The following MOCS1 variants were observed in gnomAD, a reference collection of about 807,000 sequenced individuals.
MOCS1 encodes molybdenum cofactor biosynthesis protein 1.
MOCS1 carries 39 observed loss-of-function variants against 57.6 expected under a neutral mutation model. The ratio of observed to expected loss-of-function variants is 0.68; its 90% confidence interval spans 0.52 to 0.88. The LOEUF is 0.88. Ranked by LOEUF, MOCS1 falls within the 40% of genes least tolerant of loss-of-function variation. The pLI, the probability that MOCS1 is intolerant of heterozygous loss-of-function variation, is 0.00. For synonymous variants in MOCS1, 334 were observed against 335.7 expected, an observed-to-expected ratio of 1.00 and a Z score of 0.05; for missense variants, 795 against 831.1, an observed-to-expected ratio of 0.96 and a Z score of 0.53.
intron 3 of MOCS1, among the ~76,000 whole-genome samples, chr6:39,922,911 TC>T (rs1009489635): frequency 1.3e-5 from 2 of 152,082 alleles, no homozygotes; most frequent in African/African-American, 4.8e-5. Context: ...TTCTCTCTCT[TC>T]CCCCATCCCT....
rs757431407 is a variant in MOCS1 at position 39,925,762 on chromosome 6, G to A, written c.334C>T (p.Arg112Trp). 5.6e-5 allele frequency: 91 copies of A among 1,612,694 alleles called. No homozygotes were observed. The highest frequency in any genetic ancestry group is 6.7e-5 in the Non-Finnish European group (79 of 1,179,994). ...LTTEEILTLARLFVKEGIDKI... is the reference protein window; with the variant it reads ...LTTEEILTLAWLFVKEGIDKI... Reference sequence around the variant, plus strand: ...TCGATGCCTTCCTTCACAAAGAGCCGGGCGAGGGTCAGGATCTCCTCTGTG... The same window carrying A: ...TCGATGCCTTCCTTCACAAAGAGCCAGGCGAGGGTCAGGATCTCCTCTGTG... The change falls in exon 3 of 11, where the codon CGG becomes TGG. Residue 112 changes from arginine to tryptophan, a missense_variant. Coordinates refer to ENST00000340692, the MANE Select transcript of MOCS1 (RefSeq NM_001358530.2).
At chr6:39,910,253 A>ATC (rs1386307337) in intron 8 of MOCS1, among the ~76,000 whole-genome samples, 1 of 152,188 alleles carries the variant, frequency 6.6e-6, no homozygotes, top group African/African-American at 2.4e-5. Context: ...AAAAATCCAG[A>ATC]TCTCTACCTT....
At chr6:39,923,649 A>G (rs1337414541) in intron 3 of MOCS1, among the ~76,000 whole-genome samples, 2 of 152,258 alleles carry the variant, frequency 1.3e-5, no homozygotes, top group Non-Finnish European at 2.9e-5. Context: ...TTTAGCCCTG[A>G]GGAGCTGCCT....
rs2045205207 is a variant in MOCS1, at chr6:39,905,395, C to T, written c.*962G>A. On this transcript the variant is annotated 3_prime_UTR_variant, in exon 11 of 11. Coordinates refer to ENST00000340692, the MANE Select transcript of MOCS1 (RefSeq NM_001358530.2). ...GTACACCCTTAGGCCTTTCCAGGTC[C>T]CTCCTCTTCTTCCCTCAGGGAACTG... 2.1e-6 allele frequency: 1 copy of T among 467,570 alleles called. No homozygotes were observed. The highest frequency in any genetic ancestry group is 2.0e-5 in the African/African-American group (1 of 50,054). 29.0% of individuals were successfully genotyped at this position (467,570 alleles called of 1,614,324 possible).
chr6:39,917,305 A>T (rs1433245214), intron 3 of MOCS1, among the ~76,000 whole-genome samples: 1 of 152,202 alleles, frequency 6.6e-6, no homozygotes, highest in Non-Finnish European at 1.5e-5. Context: ...AGCCCCTTAT[A>T]AAAATCATCA....
chr6:39,923,785 G>C (rs1768111096), intron 3 of MOCS1, among the ~76,000 whole-genome samples: 1 of 152,244 alleles, frequency 6.6e-6, no homozygotes, highest in Non-Finnish European at 1.5e-5. Context: ...AGGGCTGTCA[G>C]GGGGACCTGG....
At chr6:39,909,670 T>C (rs1767198254) in intron 9 of MOCS1, among the ~76,000 whole-genome samples, 165 bp downstream of exon 9, 1 of 152,126 alleles carries the variant, frequency 6.6e-6, no homozygotes, top group African/African-American at 2.4e-5. Context: ...CACTGTACCC[T>C]GAGTCCAGAG....
chr6:39,928,348 T>C (rs1395384913), intron 1 of MOCS1, among the ~76,000 whole-genome samples: 1 of 152,166 alleles, frequency 6.6e-6, no homozygotes, highest in Non-Finnish European at 1.5e-5. Flanking sequence ...GTATCTTTAG[T>C]AGAGACGGGG....
Position 39,909,085 on chromosome 6 carries a change from G to T in MOCS1, c.1120C>A (p.Gln374Lys). The T allele has an allele frequency of 6.2e-7, 1 of 1,611,042 alleles. No individual in the cohort carries two copies. The highest frequency in any genetic ancestry group is 8.5e-7 in the Non-Finnish European group (1 of 1,179,116). Reference protein sequence around the residue: ...RQHAGMFSISQMKNRPMILIE... With the variant: ...RQHAGMFSISKMKNRPMILIE... Reference sequence around the variant, plus strand: ...AGGATCATGGGCCGGTTCTTCATCTGGGAAATACTGAACATGCCTGGGGTG... The same window carrying T: ...AGGATCATGGGCCGGTTCTTCATCTTGGAAATACTGAACATGCCTGGGGTG... Residue 374 changes from glutamine (Q) to lysine (K), a missense_variant, in exon 10 of 11, where the codon CAG (glutamine) becomes AAG (lysine). Coordinates refer to ENST00000340692, the MANE Select transcript of MOCS1 (RefSeq NM_001358530.2).
chr6:39,907,856 A>G lies in MOCS1; in HGVS notation c.1151-739T>C, dbSNP rs144033895. Among the ~76,000 whole-genome samples the G allele has an allele frequency of 1.0e-3, 154 of 152,332 alleles. 1 individual carries two copies. The Middle Eastern group carries it at 0.01, about 10-fold the overall frequency. On this transcript the variant is annotated intron_variant, in intron 10 of 10. Coordinates refer to ENST00000340692, the MANE Select transcript of MOCS1 (RefSeq NM_001358530.2). ...ATCCCCAGTGATTCACATGCACATG[A>G]AATTCTGAGAGGCCCTGTCCTAGGC...
chr6:39,912,136 T>G, intron 8 of MOCS1, 128 bp downstream of exon 8: 1 of 772,952 alleles, frequency 1.3e-6, no homozygotes. Context: ...AAACCTGACA[T>G]TATTGCACCA....
intron 4 of MOCS1, 21 bp from the exon 5 acceptor site, chr6:39,913,856 TC>T (rs1351078385): frequency 3.1e-6 from 5 of 1,612,642 alleles, no homozygotes; most frequent in Non-Finnish European, 4.2e-6. Context: ...GAAACAAGGA[TC>T]CAGGAACTTC....
Position 39,913,119 on chromosome 6 carries a change from G to A in MOCS1, c.758-115C>T, listed in dbSNP as rs1767439250. 3.1e-6 allele frequency: 3 copies of A among 977,776 alleles called. No individual in the cohort carries two copies. In the East Asian group the frequency reaches 7.1e-5, roughly 23 times the overall value. The allele number at this position is 977,776 out of a possible 1,614,324, so 60.6% of individuals were successfully genotyped here. ...TAGCAATCAGTTCTCCAGCCTCTTGGAAGGGAGGGACGGGGGCTCTGCCTA... is the reference window on the plus strand; with the variant it reads ...TAGCAATCAGTTCTCCAGCCTCTTGAAAGGGAGGGACGGGGGCTCTGCCTA... On this transcript the variant is annotated intron_variant, in intron 6 of 10. Coordinates refer to ENST00000340692, the MANE Select transcript of MOCS1 (RefSeq NM_001358530.2).
At position 39,909,819 on chromosome 6, in the gene MOCS1, C is replaced by T; in HGVS notation, c.1102+16G>A. ...CCACTCACCATCCAGGCCAGCCCTC[C>T]CCACCCTGCACTTACCTGCATGCTG... On this transcript the variant is annotated intron_variant, in intron 9 of 10. Coordinates refer to ENST00000340692, the MANE Select transcript of MOCS1 (RefSeq NM_001358530.2). 1 of 1,612,056 alleles carries T rather than the reference C, an allele frequency of 6.2e-7. No homozygotes were observed. The highest frequency in any genetic ancestry group is 2.2e-5 in the East Asian group (1 of 44,882).
chr6:39,915,454 T>C (rs554363015), intron 4 of MOCS1, among the ~76,000 whole-genome samples: 1 of 152,246 alleles, frequency 6.6e-6, no homozygotes, highest in East Asian at 1.9e-4. Context: ...TGAAGAGCCT[T>C]TGCCCCAACA....
intron 7 of MOCS1, among the ~76,000 whole-genome samples, chr6:39,912,669 A>G (rs1471856322): frequency 6.6e-6 from 1 of 152,102 alleles, no homozygotes; most frequent in Non-Finnish European, 1.5e-5. Context: ...CACTTCCTGG[A>G]GTGTGTCCTC....
Position 39,906,256 on chromosome 6 carries a change from A to G in MOCS1, c.*101T>C. The stretch of plus-strand genomic sequence containing the variant: ...ACTTCGGGTTTACTGCTCAAGGTAA[A>G]CAAACAGTGACTGTGATTAAAGGAA... On this transcript the variant is annotated 3_prime_UTR_variant, in exon 11 of 11. Coordinates refer to ENST00000340692, the MANE Select transcript of MOCS1 (RefSeq NM_001358530.2). The G allele has an allele frequency of 6.8e-7, 1 of 1,467,884 alleles. No homozygotes were observed. The highest frequency in any genetic ancestry group is 9.5e-7 in the Non-Finnish European group (1 of 1,052,804). The allele number at this position is 1,467,884 out of a possible 1,614,324, so 90.9% of individuals were successfully genotyped here. A position where few individuals can be genotyped will look rare whatever the true frequency, so the allele number is the denominator to read the frequency against.
chr6:39,920,733 C>T (rs182881092), intron 3 of MOCS1, among the ~76,000 whole-genome samples: 1 of 152,220 alleles, frequency 6.6e-6, no homozygotes, highest in African/African-American at 2.4e-5. Context: ...AATCCCAGCA[C>T]TTTGGGAGGC....
intron 3 of MOCS1, among the ~76,000 whole-genome samples, chr6:39,922,523 A>C (rs2984659): frequency 0.54 from 81,376 of 151,906 alleles, 21,969 homozygotes; most frequent in Middle Eastern, 0.59. Flanking sequence ...CCCATGCTCT[A>C]TGGGACAATG....
Sources: gnomAD v4.1 joint callset for allele counts (sites outside exome capture counted in the v4.1 genomes callset) on GRCh38, gnomAD v4.1.1 for gene constraint, MANE v1.5 for transcripts, NCBI Gene and HGNC (gene_info 2026-07-23, HGNC 2026-07-21) for gene names.